The following SYN3 variants were observed in gnomAD, a reference collection of about 807,000 sequenced individuals.
The protein encoded by SYN3 is synapsin-3.
Under a neutral mutation model 65.8 loss-of-function variants are expected in SYN3, and 35 were observed. The observed-to-expected ratio is 0.53, with a 90% CI of 0.41 to 0.70. The LOEUF (loss-of-function observed/expected upper bound fraction) is 0.70. Among genes scored for constraint, SYN3 ranks in the 30% least tolerant of loss-of-function variants. The probability of loss-of-function intolerance (pLI) is 0.00; values close to 1 mark genes in which losing one functional copy is unlikely to be tolerated. For synonymous variants in SYN3, 270 were observed against 292.9 expected (o/e 0.92, Z 0.80); for missense variants, 680 against 749.0 (o/e 0.91, Z 1.08).
At chr22:32,943,240 T>C (rs954381904) in intron 3 of SYN3, among the ~76,000 whole-genome samples, 4 of 152,192 alleles carry the variant, frequency 2.6e-5, no homozygotes, top group South Asian at 2.1e-4. Flanking sequence ...AGACTAACAG[T>C]GGATCTCTTG....
At chr22:32,514,815 G>C (rs954235711) in intron 13 of SYN3, among the ~76,000 whole-genome samples, 1 of 152,186 alleles carries the variant, frequency 6.6e-6, no homozygotes, top group Non-Finnish European at 1.5e-5. Flanking sequence ...AGGAGATCGA[G>C]ACCATCCTGG....
At chr22:32,762,313 C>A (rs1426624892) in intron 6 of SYN3, among the ~76,000 whole-genome samples, 1 of 152,136 alleles carries the variant, frequency 6.6e-6, no homozygotes, top group Non-Finnish European at 1.5e-5. Context: ...GTCCATACAT[C>A]CTTCCTCAGG....
At chr22:33,045,833 C>T (rs2054054171) in intron 1 of SYN3, among the ~76,000 whole-genome samples, 1 of 152,006 alleles carries the variant, frequency 6.6e-6, no homozygotes, top group African/African-American at 2.4e-5. Context: ...TTAACTACCA[C>T]AATGACCCAC....
At chr22:32,602,144 A>G (rs1240080908) in intron 6 of SYN3, among the ~76,000 whole-genome samples, 1 of 152,142 alleles carries the variant, frequency 6.6e-6, no homozygotes, top group African/African-American at 2.4e-5. Flanking sequence ...TTTTGCATCT[A>G]TCTTCTCACT....
intron 6 of SYN3, among the ~76,000 whole-genome samples, chr22:32,827,065 T>C (rs773023890): frequency 8.5e-5 from 13 of 152,190 alleles, no homozygotes; most frequent in Admixed American, 3.3e-4. Context: ...TGCTGATCAT[T>C]GACCTCGCAG....
intron 6 of SYN3, among the ~76,000 whole-genome samples, chr22:32,863,366 G>C (rs1359867523): frequency 6.6e-6 from 1 of 152,196 alleles, no homozygotes; most frequent in African/African-American, 2.4e-5. Flanking sequence ...AGCCCTCCTT[G>C]TTTTCTTCCT....
intron 3 of SYN3, among the ~76,000 whole-genome samples, chr22:32,955,446 A>G (rs1443449635): frequency 6.6e-6 from 1 of 152,116 alleles, no homozygotes; most frequent in Non-Finnish European, 1.5e-5. Flanking sequence ...AGCCATGCGG[A>G]CACCTGGGGG....
intron 3 of SYN3, among the ~76,000 whole-genome samples, chr22:32,944,406 C>T (rs1024150143): frequency 6.6e-5 from 10 of 152,104 alleles, no homozygotes; most frequent in Admixed American, 3.3e-4. Flanking sequence ...AATCAATAAA[C>T]GTAATCCAGC....
intron 3 of SYN3, among the ~76,000 whole-genome samples, chr22:32,940,553 T>C (rs1367902127): frequency 2.0e-5 from 3 of 152,218 alleles, no homozygotes; most frequent in Non-Finnish European, 1.5e-5. Flanking sequence ...CTATGTGAGG[T>C]AGGACCGAAG....
chr22:32,982,818 TAG>T (rs1247865648), intron 2 of SYN3, among the ~76,000 whole-genome samples: 1 of 152,208 alleles, frequency 6.6e-6, no homozygotes, highest in East Asian at 1.9e-4. Flanking sequence ...AACTCTGCTA[TAG>T]AGTTTAACCT....
rs555376972 is a variant in SYN3 at position 32,567,050 on chromosome 22, C to T, written c.775-25337G>A. ...GGATTCTCTTCTTTGATGGGAAGGACGTGGGGCTTGAAGAGAGCAGCAAAG... is the reference window on the plus strand; with the variant it reads ...GGATTCTCTTCTTTGATGGGAAGGATGTGGGGCTTGAAGAGAGCAGCAAAG... On this transcript the variant is annotated intron_variant, in intron 7 of 13. Coordinates refer to ENST00000358763, the MANE Select transcript of SYN3 (RefSeq NM_003490.4). 2.1e-4 allele frequency among the ~76,000 whole-genome samples: 32 copies of T among 152,062 alleles called. No individual in the cohort carries two copies. In the South Asian group the frequency reaches 6.5e-3, roughly 31 times the overall value.
intron 6 of SYN3, among the ~76,000 whole-genome samples, chr22:32,638,289 G>A (rs1355430101): frequency 6.6e-6 from 1 of 152,182 alleles, no homozygotes; most frequent in Non-Finnish European, 1.5e-5. Context: ...GAGTGCATGC[G>A]TCTTTTTGGT....
At chr22:32,667,193 G>A (rs933319209) in intron 6 of SYN3, among the ~76,000 whole-genome samples, 14 of 147,868 alleles carry the variant, frequency 9.5e-5, no homozygotes, top group Non-Finnish European at 1.6e-4. Flanking sequence ...TCCCTCACTC[G>A]CTCACTCCTT....
chr22:32,610,642 ACG>A (rs2059429777), intron 6 of SYN3, among the ~76,000 whole-genome samples: 1 of 135,294 alleles, frequency 7.4e-6, no homozygotes, highest in East Asian at 2.2e-4. Context: ...AAGTGCAATC[ACG>A]CAATCTTGGC....
At chr22:32,855,024 T>C (rs754656531) in intron 6 of SYN3, among the ~76,000 whole-genome samples, 1 of 152,236 alleles carries the variant, frequency 6.6e-6, no homozygotes, top group Non-Finnish European at 1.5e-5. Flanking sequence ...AAGAGATGTC[T>C]GGCTTTGTAT....
At chr22:32,718,436 G>C (rs996607728) in intron 6 of SYN3, among the ~76,000 whole-genome samples, 1 of 151,300 alleles carries the variant, frequency 6.6e-6, no homozygotes, top group African/African-American at 2.4e-5. Context: ...CCCGAGGTGT[G>C]CCCCTGACCT....
At chr22:32,557,751 C>G (rs2146334937) in intron 7 of SYN3, among the ~76,000 whole-genome samples, 1 of 152,372 alleles carries the variant, frequency 6.6e-6, no homozygotes, top group South Asian at 2.1e-4. Context: ...ACATGCCACT[C>G]TGCCCTTGCC....
intron 4 of SYN3, among the ~76,000 whole-genome samples, chr22:32,883,671 G>A (rs997402077): frequency 6.6e-6 from 1 of 152,200 alleles, no homozygotes; most frequent in African/African-American, 2.4e-5. Context: ...ACTCCTGTTA[G>A]GTTCTCTTTT....
At chr22:32,562,626 G>A (rs554184573) in intron 7 of SYN3, among the ~76,000 whole-genome samples, 34 of 152,296 alleles carry the variant, frequency 2.2e-4, no homozygotes, top group African/African-American at 7.9e-4. Flanking sequence ...TCACTAAGCC[G>A]CTCCACCCTA....
Sources: gnomAD v4.1 joint callset for allele counts (sites outside exome capture counted in the v4.1 genomes callset) on GRCh38, gnomAD v4.1.1 for gene constraint, MANE v1.5 for transcripts, NCBI Gene and HGNC (gene_info 2026-07-23, HGNC 2026-07-21) for gene names.